GALNT10: variants seen among roughly 807,000 people sequenced by gnomAD.
The protein encoded by GALNT10 is polypeptide N-acetylgalactosaminyltransferase 10.
GALNT10 carries 41 observed loss-of-function variants against 75.0 expected under a neutral mutation model. The observed-to-expected ratio is 0.55, with a 90% CI of 0.43 to 0.71. The LOEUF (loss-of-function observed/expected upper bound fraction) is 0.71. GALNT10 is among the 30% of genes least tolerant of loss of function. GALNT10 has a pLI of 0.00. For synonymous variants in GALNT10, 302 were observed against 313.0 expected, an observed-to-expected ratio of 0.96 and a Z score of 0.37; for missense variants, 727 against 818.5, an observed-to-expected ratio of 0.89 and a Z score of 1.36.
chr5:154,390,927 T>C (rs1755886359), intron 7 of GALNT10, among the ~76,000 whole-genome samples: 1 of 152,234 alleles, frequency 6.6e-6, no homozygotes, highest in Non-Finnish European at 1.5e-5. Context: ...GGAAGGAGGC[T>C]GGCTTACATT....
At chr5:154,339,134 G>T (rs1754989761) in intron 4 of GALNT10, among the ~76,000 whole-genome samples, 2 of 152,186 alleles carry the variant, frequency 1.3e-5, no homozygotes, top group African/African-American at 4.8e-5. Flanking sequence ...AGAGATGGTT[G>T]GGAGGTGGCC....
At chr5:154,247,693 C>G (rs1157280659) in intron 1 of GALNT10, among the ~76,000 whole-genome samples, 1 of 152,212 alleles carries the variant, frequency 6.6e-6, no homozygotes, top group Non-Finnish European at 1.5e-5. Context: ...AGTTGCTTAT[C>G]AGCTTAAGGA....
intron 1 of GALNT10, among the ~76,000 whole-genome samples, chr5:154,214,789 A>G (rs915821432): frequency 6.6e-6 from 1 of 152,116 alleles, no homozygotes; most frequent in Non-Finnish European, 1.5e-5. Context: ...CAAAAAGGGG[A>G]GAAGATAAGG....
chr5:154,404,040 G>A (rs554193983), intron 7 of GALNT10, 64 bp from the exon 8 acceptor site: 3 of 1,286,344 alleles, frequency 2.3e-6, no homozygotes, highest in South Asian at 2.4e-5. Flanking sequence ...AAGGGATGCT[G>A]GCCTGGCGGG....
intron 4 of GALNT10, among the ~76,000 whole-genome samples, chr5:154,351,039 A>G (rs1755198290): frequency 6.6e-6 from 1 of 152,266 alleles, no homozygotes; most frequent in Admixed American, 6.5e-5. Context: ...AGAAACTTTG[A>G]TGACATGATA....
At chr5:154,350,907 C>T (rs1235119311) in intron 4 of GALNT10, among the ~76,000 whole-genome samples, 1 of 152,182 alleles carries the variant, frequency 6.6e-6, no homozygotes, top group East Asian at 1.9e-4. Flanking sequence ...CAGGAGGGCT[C>T]GTTAAAACCT....
At chr5:154,410,753 G>A (rs1333703291) in intron 9 of GALNT10, among the ~76,000 whole-genome samples, 3 of 145,838 alleles carry the variant, frequency 2.1e-5, no homozygotes, top group African/African-American at 7.4e-5. Flanking sequence ...GACCCCCAGC[G>A]CCCCTATTTA....
intron 7 of GALNT10, among the ~76,000 whole-genome samples, chr5:154,400,310 C>A (rs1490281212): frequency 2.0e-5 from 3 of 152,212 alleles, no homozygotes; most frequent in African/African-American, 7.2e-5. Context: ...GCTGCATTCA[C>A]GGACAGGCCC....
chr5:154,327,646 A>G (rs1321828104), intron 3 of GALNT10, among the ~76,000 whole-genome samples: 1 of 152,262 alleles, frequency 6.6e-6, no homozygotes, highest in Non-Finnish European at 1.5e-5. Flanking sequence ...AGCTCATTCT[A>G]AAGACTTGTA....
At chr5:154,271,596 G>T (rs1753866993) in intron 1 of GALNT10, among the ~76,000 whole-genome samples, 1 of 152,198 alleles carries the variant, frequency 6.6e-6, no homozygotes, top group Non-Finnish European at 1.5e-5. Context: ...CTCATTATGT[G>T]TTCATTTCTA....
At chr5:154,292,690 G>A (rs892091796) in intron 1 of GALNT10, among the ~76,000 whole-genome samples, 1 of 152,188 alleles carries the variant, frequency 6.6e-6, no homozygotes, top group Non-Finnish European at 1.5e-5. Context: ...GTTTGCTTGT[G>A]TAGGAAATTT....
At chr5:154,242,864 A>AAG (rs1753360515) in intron 1 of GALNT10, among the ~76,000 whole-genome samples, 1 of 152,228 alleles carries the variant, frequency 6.6e-6, no homozygotes, top group African/African-American at 2.4e-5. Flanking sequence ...AAAGTGCTTC[A>AAG]AGCTTGTCTA....
chr5:154,332,991 A>G (rs1334284489), intron 4 of GALNT10, among the ~76,000 whole-genome samples: 1 of 152,204 alleles, frequency 6.6e-6, no homozygotes, highest in African/African-American at 2.4e-5. Context: ...AAGAATTTCA[A>G]GATCATCTAG....
chr5:154,338,982 G>A (rs963142722), intron 4 of GALNT10, among the ~76,000 whole-genome samples: 6 of 152,312 alleles, frequency 3.9e-5, no homozygotes, highest in African/African-American at 1.2e-4. Flanking sequence ...AAAGCCAGCC[G>A]TGCAGGCACA....
At chr5:154,413,231 T>G (rs1025718743) in intron 10 of GALNT10, among the ~76,000 whole-genome samples, 14 of 152,332 alleles carry the variant, frequency 9.2e-5, no homozygotes, top group African/African-American at 2.6e-4. Flanking sequence ...TGATGGACAC[T>G]CAGCCCAAAT....
At chr5:154,377,718 T>C (rs1755679033) in intron 5 of GALNT10, among the ~76,000 whole-genome samples, 1 of 152,206 alleles carries the variant, frequency 6.6e-6, no homozygotes, top group South Asian at 2.1e-4. Flanking sequence ...AACTTTCTTA[T>C]TAGATTCTGT....
intron 6 of GALNT10, among the ~76,000 whole-genome samples, chr5:154,385,894 GGCC>G (rs1755800296): frequency 6.6e-6 from 1 of 152,120 alleles, no homozygotes; most frequent in African/African-American, 2.4e-5. Context: ...TCTGAGGTGG[GGCC>G]CAGCGAGCTG....
chr5:154,235,675 G>C (rs1004290370), intron 1 of GALNT10, among the ~76,000 whole-genome samples: 9 of 152,184 alleles, frequency 5.9e-5, no homozygotes, highest in African/African-American at 2.2e-4. Flanking sequence ...TAATCACTTT[G>C]ATCCTCAATT....
chr5:154,208,579 T>C (rs1316263786), intron 1 of GALNT10, among the ~76,000 whole-genome samples: 3 of 152,162 alleles, frequency 2.0e-5, no homozygotes, highest in Non-Finnish European at 4.4e-5. Context: ...CACAAAACAC[T>C]TGGAATAGTG....
Sources: allele counts gnomAD v4.1 joint callset (sites outside exome capture counted in the v4.1 genomes callset), GRCh38; gene constraint gnomAD v4.1.1; transcripts MANE v1.5; gene names NCBI Gene and HGNC (gene_info 2026-07-23, HGNC 2026-07-21).